Variants in TRIM2 observed in about 807,000 individuals in gnomAD.
TRIM2 encodes the protein tripartite motif containing 2.
A neutral mutation model predicts 75.2 loss-of-function variants in TRIM2; 20 were observed. That is an observed-to-expected ratio of 0.27 (90% CI 0.19 to 0.39). The LOEUF (loss-of-function observed/expected upper bound fraction) is 0.39, where lower values mean the gene tolerates loss of function less well. TRIM2 is among the 10% of genes least tolerant of loss of function. TRIM2 has a pLI of 1.00. For missense variants in TRIM2, 660 were observed against 990.8 expected (o/e 0.67, Z 4.48); for synonymous variants, 373 against 388.3 (o/e 0.96, Z 0.46).
chr4:153,180,469 C>T (rs1445858294), intron 1 of TRIM2, among the ~76,000 whole-genome samples: 3 of 152,346 alleles, frequency 2.0e-5, no homozygotes, highest in Admixed American at 2.0e-4. Context: ...CACGTTTTCC[C>T]AGTTGCCATC....
In TRIM2 at chr4:153,325,663, C is replaced by A. The variant is rs56223536; in HGVS notation, c.2022+1515C>A. Among the ~76,000 whole-genome samples the A allele has an allele frequency of 3.6e-3, 545 of 152,310 alleles. 1 individual carries two copies. Among genetic ancestry groups the A allele is most frequent in the Non-Finnish European group, 5.9e-3 (399 of 68,026 alleles). On this transcript the variant is annotated intron_variant, in intron 10 of 11. Coordinates refer to ENST00000338700, the MANE Select transcript of TRIM2 (RefSeq NM_015271.5). ...ATTCATATAACTACAGGGCATTCAG[C>A]AAGAAGGAAACCCATATGAGATCCT...
At chr4:153,221,686 A>T (rs1281569326) in intron 1 of TRIM2, among the ~76,000 whole-genome samples, 1 of 151,610 alleles carries the variant, frequency 6.6e-6, no homozygotes, top group Non-Finnish European at 1.5e-5. Context: ...GTAAGGAAGG[A>T]AGGATGGAGG....
intron 1 of TRIM2, among the ~76,000 whole-genome samples, chr4:153,164,616 C>A (rs1237491860): frequency 2.0e-5 from 3 of 152,202 alleles, no homozygotes; most frequent in Non-Finnish European, 4.4e-5. Context: ...CCCGAATTTT[C>A]TTTTGGCAGG....
At chr4:153,257,459 A>T in intron 1 of TRIM2, 1 of 1,244,602 alleles carries the variant, frequency 8.0e-7, no homozygotes, top group Non-Finnish European at 1.0e-6. Flanking sequence ...GGGGTCTTCC[A>T]CTTGTTAATG....
chr4:153,313,595 C>T (rs1766835481), intron 6 of TRIM2, among the ~76,000 whole-genome samples: 1 of 150,430 alleles, frequency 6.6e-6, no homozygotes, highest in Non-Finnish European at 1.5e-5. Context: ...TAAGGCACTG[C>T]ATTGATGTCG....
rs551439732 is a variant in TRIM2 at position 153,227,907 on chromosome 4, G to A, written c.30+23347G>A. On this transcript the variant is annotated intron_variant, in intron 1 of 11. Transcript: ENST00000338700. ...GGTATTGGCTGTGAACAATCTCCTT[G>A]CAGATATTGGGCAGCTGGCTCTCCT... Among the ~76,000 whole-genome samples the A allele has an allele frequency of 4.0e-4, 61 of 152,272 alleles. No homozygotes were observed. In the South Asian group the frequency reaches 7.7e-3, roughly 19 times the overall value.
intron 6 of TRIM2, among the ~76,000 whole-genome samples, chr4:153,309,150 G>A (rs572900169): frequency 1.3e-5 from 2 of 152,236 alleles, no homozygotes; most frequent in East Asian, 3.9e-4. Flanking sequence ...TAAAGGATGG[G>A]GTTTTCTAAA....
chr4:153,289,899 G>A (rs916580188), intron 3 of TRIM2, among the ~76,000 whole-genome samples: 20 of 152,176 alleles, frequency 1.3e-4, no homozygotes, highest in African/African-American at 4.8e-4. Flanking sequence ...CCCAACACCC[G>A]AAATAACCTG....
chr4:153,159,024 A>C (rs11729612), intron 1 of TRIM2, among the ~76,000 whole-genome samples: 67,834 of 152,060 alleles, frequency 0.45, 16,223 homozygotes, highest in Non-Finnish European at 0.55. Flanking sequence ...CTTATCTGTA[A>C]ATGAACAACT....
In TRIM2 at chr4:153,321,101, A is replaced by G. The variant is rs74649034; in HGVS notation, c.1783-1547A>G. 7.1e-3 allele frequency among the ~76,000 whole-genome samples: 1,077 copies of G among 152,256 alleles called. 17 individuals carry two copies. The highest frequency in any genetic ancestry group is 0.025 in the African/African-American group (1,018 of 41,536). ...TTCCTTGTCTGCTGTGGCGTCATCA[A>G]GTTTTCACTTCACATGCATTCTGAG... is the stretch of plus-strand genomic sequence containing the variant. On this transcript the variant is annotated intron_variant, in intron 8 of 11. Transcript: ENST00000338700.
intron 2 of TRIM2, among the ~76,000 whole-genome samples, chr4:153,274,102 G>T (rs1197862138): frequency 6.6e-6 from 1 of 152,172 alleles, no homozygotes. Context: ...ATGGATTTTT[G>T]TCTTTGTTGT....
chr4:153,327,124 G>T (rs1398753476), intron 10 of TRIM2, among the ~76,000 whole-genome samples: 1 of 152,102 alleles, frequency 6.6e-6, no homozygotes, highest in Non-Finnish European at 1.5e-5. Flanking sequence ...TTATGTAAAA[G>T]GAGACAAAAA....
At chr4:153,278,899 C>T (rs987849002) in intron 3 of TRIM2, among the ~76,000 whole-genome samples, 6 of 152,082 alleles carry the variant, frequency 3.9e-5, no homozygotes, top group East Asian at 1.9e-4. Flanking sequence ...CTCAAGGAAG[C>T]GGCTAGAACA....
intron 1 of TRIM2, among the ~76,000 whole-genome samples, chr4:153,175,776 G>A (rs1244625428): frequency 6.6e-6 from 1 of 152,208 alleles, no homozygotes; most frequent in Non-Finnish European, 1.5e-5. Context: ...GATAATTGGT[G>A]AAGTTGGAAT....
At chr4:153,177,532 G>C (rs1315256239) in intron 1 of TRIM2, among the ~76,000 whole-genome samples, 1 of 152,058 alleles carries the variant, frequency 6.6e-6, no homozygotes, top group Non-Finnish European at 1.5e-5. Context: ...TGTAATCCCA[G>C]CTACTTGGGA....
At chr4:153,158,408 G>A (rs1042446098) in intron 1 of TRIM2, among the ~76,000 whole-genome samples, 3 of 152,124 alleles carry the variant, frequency 2.0e-5, no homozygotes, top group Non-Finnish European at 4.4e-5. Context: ...AGATTATTTT[G>A]ATCATTGTAT....
At chr4:153,296,341 A>T (rs571695762) in intron 6 of TRIM2, among the ~76,000 whole-genome samples, 3 of 152,340 alleles carry the variant, frequency 2.0e-5, no homozygotes, top group African/African-American at 7.2e-5. Context: ...AAGCAAAAAG[A>T]GAAATAGAAA....
At chr4:153,268,431 G>A (rs1023696746) in intron 1 of TRIM2, among the ~76,000 whole-genome samples, 2 of 152,210 alleles carry the variant, frequency 1.3e-5, no homozygotes, top group African/African-American at 4.8e-5. Flanking sequence ...CTATGCCCGG[G>A]AATGAACAAG....
intron 3 of TRIM2, among the ~76,000 whole-genome samples, chr4:153,281,647 C>A (rs989854092): frequency 7.9e-5 from 12 of 152,230 alleles, no homozygotes; most frequent in Non-Finnish European, 1.8e-4. Flanking sequence ...GTGCTGCCAT[C>A]CCCACTGTCT....
Sources: gnomAD v4.1 joint callset for allele counts (sites outside exome capture counted in the v4.1 genomes callset) on GRCh38, gnomAD v4.1.1 for gene constraint, MANE v1.5 for transcripts, NCBI Gene and HGNC (gene_info 2026-07-23, HGNC 2026-07-21) for gene names.